POLDIP3: variants seen among roughly 807,000 people sequenced by gnomAD.
POLDIP3 encodes DNA polymerase delta interacting protein 3, also known as polymerase delta-interacting protein 3.
A neutral mutation model predicts 45.1 loss-of-function variants in POLDIP3; 14 were observed. The ratio of observed to expected loss-of-function variants is 0.31; its 90% CI spans 0.20 to 0.49. The LOEUF is 0.49. Ranked by LOEUF, POLDIP3 falls within the 20% of genes least tolerant of loss-of-function variation. POLDIP3 has a pLI of 0.99. For synonymous variants in POLDIP3, 223 were observed against 205.2 expected (o/e 1.09, Z -0.74); for missense variants, 511 against 538.8 (o/e 0.95, Z 0.51).
intron 1 of POLDIP3, among the ~76,000 whole-genome samples, chr22:42,604,804 C>A (rs574836490): frequency 2.2e-4 from 33 of 152,332 alleles, no homozygotes; most frequent in Non-Finnish European, 4.0e-4. Flanking sequence ...CAGTACCAAA[C>A]CTAAGGCGGT....
At chr22:42,603,867 C>A (rs1926557046) in intron 1 of POLDIP3, among the ~76,000 whole-genome samples, 1 of 152,176 alleles carries the variant, frequency 6.6e-6, no homozygotes. Flanking sequence ...ACACTAGAAA[C>A]CTAATCCTCA....
At chr22:42,592,292 G>A (rs908358622) in intron 6 of POLDIP3, among the ~76,000 whole-genome samples, 11 of 152,254 alleles carry the variant, frequency 7.2e-5, no homozygotes, top group African/African-American at 2.7e-4. Context: ...TGGGAAAGGG[G>A]CTGGGTTTAC....
intron 5 of POLDIP3, 129 bp from the exon 6 acceptor site, chr22:42,595,743 C>T (rs1294300928): frequency 2.6e-6 from 2 of 780,672 alleles, no homozygotes; most frequent in Non-Finnish European, 4.3e-6. Flanking sequence ...ACAAATGGGC[C>T]CCCTGAACTT....
rs143452592 is a variant in POLDIP3 at position 42,605,221 on chromosome 22, G to A, written c.60-2061C>T. Reference sequence around the variant, plus strand: ...TGGCTCACCGCAAGCTCCGCCTCCCGGGTTCATGCCATTCTCCTGCGCCAG... The same window carrying A: ...TGGCTCACCGCAAGCTCCGCCTCCCAGGTTCATGCCATTCTCCTGCGCCAG... On this transcript the variant is annotated intron_variant, in intron 1 of 8. Coordinates refer to ENST00000252115, the MANE Select transcript of POLDIP3 (RefSeq NM_032311.5). Among the ~76,000 whole-genome samples the A allele has an allele frequency of 2.8e-3, 430 of 152,314 alleles. 1 individual carries two copies. Among genetic ancestry groups the A allele is most frequent in the African/African-American group, 9.7e-3 (404 of 41,568 alleles).
In POLDIP3 at chr22:42,584,768, G is replaced by T. The variant is rs1444330825; in HGVS notation, c.*1023C>A. 2.6e-6 allele frequency: 1 copy of T among 385,268 alleles called. No individual in the cohort carries two copies. Among genetic ancestry groups the T allele is most frequent in the African/African-American group, 2.1e-5 (1 of 47,496 alleles). The allele number at this position is 385,268 out of a possible 1,614,324, so 23.9% of individuals were successfully genotyped here. A position where few individuals can be genotyped will look rare whatever the true frequency, so the allele number is the denominator to read the frequency against. ...TGGATGGGGTCACTCACATAAGTGG[G>T]AACAAACAGTGCCCCTTGGTGGCAG... On this transcript the variant is annotated 3_prime_UTR_variant, in exon 9 of 9. Coordinates refer to ENST00000252115, the MANE Select transcript of POLDIP3 (RefSeq NM_032311.5).
At chr22:42,602,484 T>A (rs565275211) in intron 2 of POLDIP3, among the ~76,000 whole-genome samples, 5 of 152,288 alleles carry the variant, frequency 3.3e-5, no homozygotes, top group Admixed American at 1.3e-4. Flanking sequence ...GCTCAATAAA[T>A]CTTTTGTCCT....
At chr22:42,588,688 G>C (rs1053654724) in intron 7 of POLDIP3, among the ~76,000 whole-genome samples, 1 of 150,698 alleles carries the variant, frequency 6.6e-6, no homozygotes, top group African/African-American at 2.4e-5. Context: ...GAGGGCAATG[G>C]TGCGATCTCG....
At chr22:42,603,197 T>G (rs372328384) in intron 1 of POLDIP3, 37 bp from the exon 2 acceptor site, 1 of 1,598,770 alleles carries the variant, frequency 6.3e-7, no homozygotes, top group Non-Finnish European at 8.5e-7. Context: ...TAAGTGGATC[T>G]GGGTATCTAC....
At chr22:42,592,126 C>G (rs756151329) in intron 6 of POLDIP3, 42 bp from the exon 7 acceptor site, 1 of 1,611,720 alleles carries the variant, frequency 6.2e-7, no homozygotes, top group Non-Finnish European at 8.5e-7. Flanking sequence ...AAGGATTTCT[C>G]AGCACCTGCC....
intron 5 of POLDIP3, among the ~76,000 whole-genome samples, chr22:42,595,821 C>T (rs1925949839): frequency 6.6e-6 from 1 of 152,192 alleles, no homozygotes; most frequent in Non-Finnish European, 1.5e-5. Flanking sequence ...CCCAAATACG[C>T]AAGCCTCTCA....
At chr22:42,594,302 C>T (rs1168623296) in intron 6 of POLDIP3, among the ~76,000 whole-genome samples, 2 of 151,514 alleles carry the variant, frequency 1.3e-5, no homozygotes, top group African/African-American at 2.4e-5. Flanking sequence ...TTTGAGGTCA[C>T]GAGTTCGAGA....
chr22:42,608,392 C>A lies in POLDIP3; in HGVS notation c.60-5232G>T, dbSNP rs1479241175. On this transcript the variant is annotated intron_variant, in intron 1 of 8. Coordinates refer to ENST00000252115, the MANE Select transcript of POLDIP3 (RefSeq NM_032311.5). ...GAGCCAAGATCACACCACTGGACTC[C>A]AGCCTGGGAGACAGAACAAGACCCT... Among the ~76,000 whole-genome samples the A allele has an allele frequency of 3.3e-5, 5 of 151,514 alleles. No individual in the cohort carries two copies. In the East Asian group the frequency reaches 9.7e-4, roughly 29 times the overall value.
Position 42,596,291 on chromosome 22 carries a change from G to A in POLDIP3, c.708C>T (p.Tyr236=). ...PLTKVVQNDA[Y]TAPALPSSIR... is the part of the protein sequence containing the mutation. ...TAGAGGAAGGGAGAGCAGGAGCTGTGTATGCATCATTCTGAACCACTTTGG... is the reference window on the plus strand; with the variant it reads ...TAGAGGAAGGGAGAGCAGGAGCTGTATATGCATCATTCTGAACCACTTTGG... The change falls in exon 5 of 9, where the codon TAC becomes TAT. Residue 236 remains tyrosine, a synonymous_variant. Transcript: ENST00000252115. The A allele has an allele frequency of 6.2e-7, 1 of 1,614,084 alleles. No homozygotes were observed. Among genetic ancestry groups the A allele is most frequent in the Non-Finnish European group, 8.5e-7 (1 of 1,179,928 alleles).
intron 3 of POLDIP3, 132 bp from the exon 4 acceptor site, chr22:42,599,925 C>T (rs1417203985): frequency 7.8e-6 from 5 of 640,616 alleles, no homozygotes; most frequent in East Asian, 2.8e-5. Flanking sequence ...ACAGGGGTGA[C>T]GGTGCCTGGA....
chr22:42,597,337 C>G (rs1427440775), intron 4 of POLDIP3, among the ~76,000 whole-genome samples: 2 of 152,208 alleles, frequency 1.3e-5, no homozygotes, highest in Non-Finnish European at 2.9e-5. Context: ...AGAGCATGGG[C>G]ACGGGCAATT....
At chr22:42,601,622 G>A (rs1487282458) in intron 3 of POLDIP3, among the ~76,000 whole-genome samples, 2 of 152,124 alleles carry the variant, frequency 1.3e-5, no homozygotes, top group Non-Finnish European at 2.9e-5. Context: ...TTAGCTGGGT[G>A]TGGTGGTACG....
chr22:42,599,706 G>T lies in POLDIP3; in HGVS notation c.625C>A (p.His209Asn), dbSNP rs376795972. The stretch of plus-strand genomic sequence containing the variant: ...AACATGAAATGCCATACCATGTGGT[G>T]GAGAAAGCCGCCTGAGGCTGCAAAC... Reference protein sequence around the residue: ...MKFAASGGFLHHMAGLSSSKL... With the variant: ...MKFAASGGFLNHMAGLSSSKL... Residue 209 changes from histidine to asparagine, a missense_variant, in exon 4 of 9, where the codon CAC becomes AAC. This residue lies in a region of POLDIP3 where 378 missense variants were observed against 352.3 expected (regional missense o/e 1.07). Coordinates refer to ENST00000252115, the MANE Select transcript of POLDIP3 (RefSeq NM_032311.5). 5.6e-6 allele frequency: 9 copies of T among 1,604,572 alleles called. No homozygotes were observed. In the Admixed American group the frequency reaches 1.5e-4, roughly 27 times the overall value.
At chr22:42,611,212 G>A (rs1927097886) in intron 1 of POLDIP3, among the ~76,000 whole-genome samples, 2 of 152,104 alleles carry the variant, frequency 1.3e-5, no homozygotes, top group Non-Finnish European at 2.9e-5. Flanking sequence ...AACCAGACTG[G>A]GGTGCAGTGG....
intron 1 of POLDIP3, among the ~76,000 whole-genome samples, chr22:42,608,007 C>T (rs1004869122): frequency 1.4e-4 from 22 of 151,922 alleles, no homozygotes; most frequent in South Asian, 8.3e-4. Flanking sequence ...GCCACCACCC[C>T]GTCTGGGAAG....
Sources: allele counts gnomAD v4.1 joint callset (sites outside exome capture counted in the v4.1 genomes callset), GRCh38; gene constraint gnomAD v4.1.1; regional missense constraint gnomAD v4.1.1; transcripts MANE v1.5; gene names NCBI Gene and HGNC (gene_info 2026-07-23, HGNC 2026-07-21).